The following SLC2A12 variants were observed in gnomAD, a reference collection of about 807,000 sequenced individuals.
SLC2A12 encodes the protein solute carrier family 2 member 12.
SLC2A12 carries 23 observed loss-of-function variants against 41.8 expected under a neutral mutation model. The ratio of observed to expected loss-of-function variants is 0.55; its 90% CI spans 0.40 to 0.78. SLC2A12 has a LOEUF of 0.78. SLC2A12 is among the 30% of genes least tolerant of loss of function. SLC2A12 has a pLI of 0.00. For synonymous variants in SLC2A12, 295 were observed against 285.9 expected (o/e 1.03, Z -0.32); for missense variants, 654 against 745.6 (o/e 0.88, Z 1.43).
At chr6:133,991,946 GAAAT>G (rs1776628908) in intron 4 of SLC2A12, among the ~76,000 whole-genome samples, 2 of 152,122 alleles carry the variant, frequency 1.3e-5, no homozygotes, top group South Asian at 2.1e-4. Flanking sequence ...GTGCAAATGA[GAAAT>G]AAACGGGGAA....
intron 3 of SLC2A12, among the ~76,000 whole-genome samples, chr6:134,006,547 G>T (rs1377589640): frequency 6.6e-6 from 1 of 152,124 alleles, no homozygotes; most frequent in African/African-American, 2.4e-5. Context: ...GAATGTCAAA[G>T]GTCTATGCTG....
intron 2 of SLC2A12, among the ~76,000 whole-genome samples, chr6:134,022,753 C>G (rs758203092): frequency 6.6e-6 from 1 of 152,068 alleles, no homozygotes; most frequent in Non-Finnish European, 1.5e-5. Flanking sequence ...TTGCCAATAC[C>G]AAAATGGAGT....
intron 4 of SLC2A12, among the ~76,000 whole-genome samples, chr6:133,996,864 G>A (rs904112012): frequency 1.3e-5 from 2 of 151,930 alleles, no homozygotes; most frequent in African/African-American, 2.4e-5. Flanking sequence ...CTTGTTTAAC[G>A]TATACCCTTT....
intron 1 of SLC2A12, among the ~76,000 whole-genome samples, chr6:134,047,288 T>C (rs1777470859): frequency 6.6e-6 from 1 of 152,222 alleles, no homozygotes; most frequent in South Asian, 2.1e-4. Flanking sequence ...TTCTTGCTCA[T>C]ACACTGAGTA....
At position 134,029,011 on chromosome 6, in the gene SLC2A12, T is replaced by C. The variant is rs756640640; in HGVS notation, c.814A>G (p.Lys272Glu). 2 of 1,614,254 alleles carry C rather than the reference T, an allele frequency of 1.2e-6. No individual in the cohort carries two copies. The highest frequency in any genetic ancestry group is 1.1e-5 in the South Asian group (1 of 91,088). The change falls in exon 2 of 5, where the codon AAA becomes GAA. Residue 272 changes from lysine (K) to glutamate (E), a missense_variant. Lys to Glu is a moderately conservative substitution (Grantham distance 56). Coordinates refer to ENST00000275230, the MANE Select transcript of SLC2A12 (RefSeq NM_145176.3). The part of the protein sequence containing the change: ...QYSFWDLFRS[K>E]DNMRTRIMIG... ...ATTATTCGGGTCCGCATGTTGTCTTTTGAACGAAACAGATCCCAAAAACTG... is the reference window on the plus strand; with the variant it reads ...ATTATTCGGGTCCGCATGTTGTCTTCTGAACGAAACAGATCCCAAAAACTG...
chr6:134,012,093 C>A (rs1306488471), intron 2 of SLC2A12, among the ~76,000 whole-genome samples: 6 of 152,246 alleles, frequency 3.9e-5, no homozygotes, highest in South Asian at 2.1e-4. Flanking sequence ...ATAGCATCCC[C>A]AACATTGGCA....
intron 4 of SLC2A12, among the ~76,000 whole-genome samples, chr6:133,994,729 A>G (rs1776665578): frequency 6.6e-6 from 1 of 152,152 alleles, no homozygotes; most frequent in East Asian, 1.9e-4. Flanking sequence ...CAAACAAACA[A>G]ACAAAAAAGA....
At chr6:134,029,743 A>G (rs1485469416) in intron 1 of SLC2A12, 22 bp from the exon 2 acceptor site, 1 of 1,576,428 alleles carries the variant, frequency 6.3e-7, no homozygotes, top group Non-Finnish European at 8.6e-7. Context: ...GAGAAGAGAC[A>G]GGGAGGTCAG....
At chr6:134,021,108 T>C (rs1428634665) in intron 2 of SLC2A12, among the ~76,000 whole-genome samples, 1 of 152,226 alleles carries the variant, frequency 6.6e-6, no homozygotes, top group African/African-American at 2.4e-5. Context: ...TTAAAAATCA[T>C]GCCCAAGTGA....
At chr6:134,004,045 A>C in intron 3 of SLC2A12, among the ~76,000 whole-genome samples, 1 of 152,176 alleles carries the variant, frequency 6.6e-6, no homozygotes, top group East Asian at 1.9e-4. Flanking sequence ...TTTGTTTTTA[A>C]GTGGATCTGT....
chr6:134,012,530 T>C (rs1352199687), intron 2 of SLC2A12, among the ~76,000 whole-genome samples: 1 of 152,236 alleles, frequency 6.6e-6, no homozygotes, highest in African/African-American at 2.4e-5. Context: ...TTTTTCACCA[T>C]AAATTTAAAT....
intron 4 of SLC2A12, among the ~76,000 whole-genome samples, chr6:133,994,498 TG>T (rs2114415306): frequency 6.6e-6 from 1 of 152,056 alleles, no homozygotes; most frequent in South Asian, 2.1e-4. Context: ...GAGGCCGAGG[TG>T]GGTGGATCAC....
rs139578198 is a variant in SLC2A12, at chr6:134,020,008, G to C, written c.1444+8373C>G. On this transcript the variant is annotated intron_variant, in intron 2 of 4. Transcript: ENST00000275230. Reference sequence around the variant, plus strand: ...CCACTGCACTCCAGCCTGGGCAACAGAGTGAGATTCCATCTCAAAAAAAAA... The same window carrying C: ...CCACTGCACTCCAGCCTGGGCAACACAGTGAGATTCCATCTCAAAAAAAAA... Among the ~76,000 whole-genome samples, 996 of 144,782 alleles carry C rather than the reference G, an allele frequency of 6.9e-3. 5 individuals are homozygous for C. Among genetic ancestry groups the C allele is most frequent in the Middle Eastern group, 0.019 (5 of 262 alleles). 95.0% of individuals were successfully genotyped at this position (144,782 alleles called of 152,430 possible).
intron 2 of SLC2A12, among the ~76,000 whole-genome samples, chr6:134,008,227 C>G (rs1019502848): frequency 6.6e-6 from 1 of 152,188 alleles, no homozygotes; most frequent in African/African-American, 2.4e-5. Context: ...TCAGCCATGC[C>G]TCTAACTTAA....
chr6:133,998,298 A>G (rs1776718470), intron 4 of SLC2A12, among the ~76,000 whole-genome samples: 1 of 152,174 alleles, frequency 6.6e-6, no homozygotes, highest in African/African-American at 2.4e-5. Flanking sequence ...AAGTTCTGTC[A>G]TTGAATTTTC....
rs1170643076 is a variant in SLC2A12 at position 134,052,294 on chromosome 6, C to CAA, written c.103+83_103+84insTT. 3.5e-6 allele frequency: 4 copies of CAA among 1,129,728 alleles called. No homozygotes were observed. In the African/African-American group the frequency reaches 6.3e-5, roughly 18 times the overall value. The allele number at this position is 1,129,728 out of a possible 1,614,324, so 70.0% of individuals were successfully genotyped here. A position where few individuals can be genotyped will look rare whatever the true frequency, so the allele number is the denominator to read the frequency against. ...ACACACACACACACACACACACACACACGGGACTCAAGAGACAGTACACTC... is the reference window on the plus strand; with the variant it reads ...ACACACACACACACACACACACACACAAACGGGACTCAAGAGACAGTACACTC... On this transcript the variant is annotated intron_variant, in intron 1 of 4. Coordinates refer to ENST00000275230, the MANE Select transcript of SLC2A12 (RefSeq NM_145176.3).
chr6:134,025,288 C>A (rs1463842860), intron 2 of SLC2A12, among the ~76,000 whole-genome samples: 1 of 152,124 alleles, frequency 6.6e-6, no homozygotes, highest in African/African-American at 2.4e-5. Context: ...GAAGATAAAA[C>A]ATGTTTTCAT....
intron 2 of SLC2A12, among the ~76,000 whole-genome samples, chr6:134,017,618 C>T (rs570862472): frequency 1.3e-5 from 2 of 151,954 alleles, no homozygotes; most frequent in African/African-American, 2.4e-5. Flanking sequence ...TTTGGGAGGC[C>T]GAGGAGGGCG....
intron 1 of SLC2A12, among the ~76,000 whole-genome samples, chr6:134,034,349 C>G (rs1777263928): frequency 6.6e-6 from 1 of 152,142 alleles, no homozygotes; most frequent in African/African-American, 2.4e-5. Flanking sequence ...GGATACTGCC[C>G]CAAACTAGCT....
Sources: allele counts gnomAD v4.1 joint callset (sites outside exome capture counted in the v4.1 genomes callset), GRCh38; gene constraint gnomAD v4.1.1; transcripts MANE v1.5; gene names NCBI Gene and HGNC (gene_info 2026-07-23, HGNC 2026-07-21).